Variants in SHISA6 observed in about 807,000 individuals in gnomAD.
SHISA6 encodes the protein protein shisa-6.
In SHISA6, 22 loss-of-function variants were observed where a neutral mutation model predicts 47.9. The ratio of observed to expected loss-of-function variants is 0.46; its 90% CI spans 0.33 to 0.66. The LOEUF (loss-of-function observed/expected upper bound fraction) is 0.66. SHISA6 is among the 30% of genes least tolerant of loss of function. The pLI is 0.02. For synonymous variants in SHISA6, 388 were observed against 337.8 expected (o/e 1.15, Z -1.63); for missense variants, 680 against 764.6 (o/e 0.89, Z 1.30).
chr17:11,525,666 C>T lies in SHISA6; in HGVS notation c.896-26230C>T, dbSNP rs560375062. ...AAAAAAAAAAACAAAAAAAAAAAAA[C>T]GTGTTATAATAAACAAGATTATCAC... is the stretch of plus-strand genomic sequence containing the variant. On this transcript the variant is annotated intron_variant, in intron 3 of 5. Coordinates refer to ENST00000441885, the MANE Select transcript of SHISA6 (RefSeq NM_207386.4). Among the ~76,000 whole-genome samples, 292 of 88,270 alleles carry T rather than the reference C, an allele frequency of 3.3e-3. 1 individual carries two copies. The highest frequency in any genetic ancestry group is 0.011 in the African/African-American group (273 of 23,954). The allele number at this position is 88,270 out of a possible 152,430, so 57.9% of individuals were successfully genotyped here. A position where few individuals can be genotyped will look rare whatever the true frequency, so the allele number is the denominator to read the frequency against.
chr17:11,335,797 CCTGT>C (rs1911299391), intron 2 of SHISA6, among the ~76,000 whole-genome samples: 1 of 152,186 alleles, frequency 6.6e-6, no homozygotes, highest in South Asian at 2.1e-4. Flanking sequence ...TACCATGGAA[CCTGT>C]CTGAGCCTCA....
At chr17:11,264,632 C>G (rs7215155) in intron 2 of SHISA6, among the ~76,000 whole-genome samples, 1 of 152,134 alleles carries the variant, frequency 6.6e-6, no homozygotes, top group African/African-American at 2.4e-5. Flanking sequence ...TATTGCTCAA[C>G]AGTTTTCAGA....
intron 1 of SHISA6, among the ~76,000 whole-genome samples, chr17:11,249,259 A>G (rs1430039655): frequency 1.3e-5 from 2 of 151,982 alleles, no homozygotes; most frequent in Non-Finnish European, 2.9e-5. Flanking sequence ...GTGAGAGGCC[A>G]GAGACCTCCC....
chr17:11,264,675 A>G (rs982793761), intron 2 of SHISA6, among the ~76,000 whole-genome samples: 5 of 152,234 alleles, frequency 3.3e-5, no homozygotes, highest in Admixed American at 6.5e-5. Flanking sequence ...TAAACCTGCA[A>G]TAAGGATATA....
chr17:11,344,610 A>G (rs1357682483), intron 2 of SHISA6, among the ~76,000 whole-genome samples: 2 of 152,088 alleles, frequency 1.3e-5, no homozygotes, highest in South Asian at 2.1e-4. Flanking sequence ...TCTCTTGCCT[A>G]TTTCATTAAT....
rs575895714 is a variant in SHISA6, at chr17:11,522,126, C to T, written c.896-29770C>T. 2.3e-4 allele frequency among the ~76,000 whole-genome samples: 34 copies of T among 151,072 alleles called. No individual in the cohort carries two copies. The East Asian group carries it at 3.8e-3, about 17-fold the overall frequency. On this transcript the variant is annotated intron_variant, in intron 3 of 5. Coordinates refer to ENST00000441885, the MANE Select transcript of SHISA6 (RefSeq NM_207386.4). Reference sequence around the variant, plus strand: ...GACTACAGGCACCCACCACCACGCCCGGCTAATTTTTTGTATTTTTAGTAG... The same window carrying T: ...GACTACAGGCACCCACCACCACGCCTGGCTAATTTTTTGTATTTTTAGTAG...
At chr17:11,378,351 G>A (rs1399680077) in intron 2 of SHISA6, among the ~76,000 whole-genome samples, 2 of 152,094 alleles carry the variant, frequency 1.3e-5, no homozygotes, top group Middle Eastern at 3.4e-3. Context: ...GTGTGTGCGC[G>A]CACATGCACG....
At chr17:11,462,464 G>A (rs1915715887) in intron 3 of SHISA6, among the ~76,000 whole-genome samples, 1 of 152,328 alleles carries the variant, frequency 6.6e-6, no homozygotes, top group South Asian at 2.1e-4. Context: ...GTGCCAGGCT[G>A]TGTTCTTGCT....
chr17:11,343,510 C>T (rs1015883964), intron 2 of SHISA6, among the ~76,000 whole-genome samples: 1 of 152,150 alleles, frequency 6.6e-6, no homozygotes, highest in Non-Finnish European at 1.5e-5. Flanking sequence ...CCATGGAACA[C>T]GGGATCTCAA....
chr17:11,557,955 C>T lies in SHISA6; in HGVS notation c.1307C>T (p.Pro436Leu), dbSNP rs1299394078. The change falls in exon 6 of 6, where the codon CCC (proline) becomes CTC (leucine). Residue 436 changes from proline (P) to leucine (L), a missense_variant. Transcript: ENST00000441885. ...GGCCTGCCAGATGAGTTCAGCATGC[C>T]CTACGACCGCATCCTGTCCGACGAG... ...DRGLPDEFSM[P>L]YDRILSDEQL... 1.3e-6 allele frequency: 2 copies of T among 1,551,532 alleles called. No homozygotes were observed. The highest frequency in any genetic ancestry group is 1.7e-6 in the Non-Finnish European group (2 of 1,146,946).
chr17:11,377,495 G>C (rs1912845181), intron 2 of SHISA6, among the ~76,000 whole-genome samples: 1 of 152,200 alleles, frequency 6.6e-6, no homozygotes, highest in Non-Finnish European at 1.5e-5. Context: ...CTTGATAGAA[G>C]TGCAGACTCT....
chr17:11,420,260 C>T (rs1914414216), intron 3 of SHISA6, among the ~76,000 whole-genome samples: 1 of 152,148 alleles, frequency 6.6e-6, no homozygotes, highest in South Asian at 2.1e-4. Context: ...AGCCCTGCCC[C>T]CGCGGGACTG....
chr17:11,264,132 CA>C (rs1908342149), intron 2 of SHISA6, among the ~76,000 whole-genome samples: 1 of 152,120 alleles, frequency 6.6e-6, no homozygotes, highest in Non-Finnish European at 1.5e-5. Flanking sequence ...TCAATATATG[CA>C]GCTCAAAGAA....
At chr17:11,316,818 A>G (rs987505961) in intron 2 of SHISA6, among the ~76,000 whole-genome samples, 6 of 152,168 alleles carry the variant, frequency 3.9e-5, no homozygotes, top group African/African-American at 1.4e-4. Context: ...CTTTGGCCAC[A>G]TCTCCTAGAC....
chr17:11,273,612 G>C, intron 2 of SHISA6, among the ~76,000 whole-genome samples: 1 of 152,252 alleles, frequency 6.6e-6, no homozygotes, highest in East Asian at 1.9e-4. Flanking sequence ...GCTGGGATTT[G>C]TTGAGGGCTG....
intron 3 of SHISA6, among the ~76,000 whole-genome samples, chr17:11,540,523 A>G (rs185908736): frequency 4.9e-4 from 75 of 151,750 alleles, no homozygotes; most frequent in African/African-American, 1.7e-3. Flanking sequence ...TCTCACTTCT[A>G]CTAGTCCTGG....
chr17:11,344,959 A>G (rs982804059), intron 2 of SHISA6, among the ~76,000 whole-genome samples: 15 of 152,098 alleles, frequency 9.9e-5, no homozygotes, highest in African/African-American at 2.9e-4. Context: ...CTACCATGTA[A>G]TAACCACAGT....
chr17:11,431,628 C>T (rs957382996), intron 3 of SHISA6, among the ~76,000 whole-genome samples: 1 of 152,082 alleles, frequency 6.6e-6, no homozygotes, highest in Non-Finnish European at 1.5e-5. Context: ...TGAATTGGTA[C>T]CCATGTTTCA....
intron 3 of SHISA6, among the ~76,000 whole-genome samples, chr17:11,522,173 G>C (rs1023918711): frequency 1.3e-5 from 2 of 151,888 alleles, no homozygotes; most frequent in Non-Finnish European, 2.9e-5. Context: ...CACCGTGTTA[G>C]CCACGATGGT....
Sources: allele counts gnomAD v4.1 joint callset (sites outside exome capture counted in the v4.1 genomes callset), GRCh38; gene constraint gnomAD v4.1.1; transcripts MANE v1.5; gene names NCBI Gene and HGNC (gene_info 2026-07-23, HGNC 2026-07-21).